The following MRPS9 variants were observed in gnomAD, a reference collection of about 807,000 sequenced individuals.
MRPS9 encodes the protein small ribosomal subunit protein uS9m.
In MRPS9, 45 loss-of-function variants were observed where a neutral mutation model predicts 59.9. The observed-to-expected ratio is 0.75, with a 90% CI of 0.59 to 0.96. MRPS9 has a LOEUF of 0.96. Among genes scored for constraint, MRPS9 ranks in the 40% least tolerant of loss-of-function variants. MRPS9 has a pLI of 0.00. For synonymous variants in MRPS9, 171 were observed against 166.8 expected (o/e 1.03, Z -0.19); for missense variants, 473 against 481.1 (o/e 0.98, Z 0.16).
At chr2:105,052,285 G>A (rs572750894) in intron 2 of MRPS9, among the ~76,000 whole-genome samples, 1 of 152,196 alleles carries the variant, frequency 6.6e-6, no homozygotes, top group Admixed American at 6.5e-5. Flanking sequence ...GATTCAGTAA[G>A]TTTTTTTCCA....
chr2:105,052,784 A>C (rs1411589261), intron 2 of MRPS9, among the ~76,000 whole-genome samples: 1 of 151,980 alleles, frequency 6.6e-6, no homozygotes, highest in Admixed American at 6.6e-5. Flanking sequence ...GGTTTTTTTA[A>C]ATGCTTACTT....
At chr2:105,044,352 A>G (rs1679555960) in intron 1 of MRPS9, among the ~76,000 whole-genome samples, 1 of 152,248 alleles carries the variant, frequency 6.6e-6, no homozygotes, top group Non-Finnish European at 1.5e-5. Context: ...GTACCAATGA[A>G]TAATGGACTC....
rs1558765103 is a variant in MRPS9 at position 105,097,226 on chromosome 2, G to C, written c.1001G>C (p.Gly334Ala). 3 of 1,612,840 alleles carry C rather than the reference G, an allele frequency of 1.9e-6. No homozygotes were observed. Among genetic ancestry groups the C allele is most frequent in the Admixed American group, 1.7e-5 (1 of 59,816 alleles). Reference protein sequence around the residue: ...GKHDVTCTVSGGGRSAQAGAI... With the variant: ...GKHDVTCTVSAGGRSAQAGAI... ...CACGACGTGACCTGCACAGTCTCAG[G>C]GGGCGGGAGGTCAGCGCAGGCTGGA... The change falls in exon 10 of 11, where the codon GGG (glycine) becomes GCG (alanine). Residue 334 changes from glycine to alanine, a missense_variant. Physicochemically the swap from Gly to Ala is moderately conservative, Grantham distance 60. Transcript: ENST00000258455.
intron 5 of MRPS9, among the ~76,000 whole-genome samples, chr2:105,083,180 AAGGTGTGAAGG>A (rs1228737242): frequency 1.3e-5 from 2 of 152,226 alleles, no homozygotes; most frequent in African/African-American, 4.8e-5. Flanking sequence ...CAATTGAGCA[AAGGTGTGAAGG>A]AGGGGGAAGA....
At chr2:105,085,634 G>C (rs1049256195) in intron 5 of MRPS9, among the ~76,000 whole-genome samples, 1 of 152,038 alleles carries the variant, frequency 6.6e-6, no homozygotes, top group Admixed American at 6.6e-5. Context: ...TTTCAAATTA[G>C]GCACCTTCTA....
chr2:105,079,911 TG>T, intron 4 of MRPS9, 71 bp from the exon 5 acceptor site: 1 of 952,186 alleles, frequency 1.1e-6, no homozygotes, highest in South Asian at 1.6e-5. Flanking sequence ...CTCATAACTG[TG>T]GTTAAATGCA....
Position 105,049,446 on chromosome 2 carries a change from C to A in MRPS9, c.315+96C>A. On this transcript the variant is annotated intron_variant, in intron 2 of 10. Coordinates refer to ENST00000258455, the MANE Select transcript of MRPS9 (RefSeq NM_182640.3). ...GAGCCCCTTAGCTCTGTGTTTTAAT[C>A]AAGCTGTCAGAATAAGGAAAAATGC... 4 of 1,070,792 alleles carry A rather than the reference C, an allele frequency of 3.7e-6. 1 individual carries two copies. In the South Asian group the frequency reaches 4.6e-5, roughly 12 times the overall value. The allele number at this position is 1,070,792 out of a possible 1,614,324, so 66.3% of individuals were successfully genotyped here.
intron 6 of MRPS9, among the ~76,000 whole-genome samples, chr2:105,089,607 A>G (rs912784997): frequency 5.9e-5 from 9 of 152,210 alleles, no homozygotes; most frequent in African/African-American, 1.9e-4. Context: ...CGTTGTATCT[A>G]TAACATCTTC....
chr2:105,092,250 G>A, intron 7 of MRPS9, 151 bp from the exon 8 acceptor site: 1 of 560,320 alleles, frequency 1.8e-6, no homozygotes, highest in Non-Finnish European at 2.9e-6. Flanking sequence ...TCTGCATGCT[G>A]TTTTAAAAGC....
chr2:105,094,329 A>G (rs1252464981), intron 9 of MRPS9, among the ~76,000 whole-genome samples: 1 of 152,160 alleles, frequency 6.6e-6, no homozygotes, highest in African/African-American at 2.4e-5. Flanking sequence ...AGCTCTTCTA[A>G]TCTAAATATA....
At chr2:105,066,105 A>G (rs1428400788) in intron 2 of MRPS9, among the ~76,000 whole-genome samples, 1 of 152,110 alleles carries the variant, frequency 6.6e-6, no homozygotes, top group East Asian at 1.9e-4. Context: ...ATGTTTTGTT[A>G]TTTGGTTTTA....
chr2:105,097,403 A>T, intron 10 of MRPS9, 79 bp downstream of exon 10: 1 of 1,305,358 alleles, frequency 7.7e-7, no homozygotes, highest in East Asian at 2.8e-5. Context: ...TAGTGCCTGA[A>T]GTTCGTAAGA....
intron 9 of MRPS9, among the ~76,000 whole-genome samples, chr2:105,094,822 G>A (rs1680625918): frequency 6.6e-6 from 1 of 152,212 alleles, no homozygotes; most frequent in African/African-American, 2.4e-5. Context: ...CCAATAACCT[G>A]TCTGTTGATT....
intron 1 of MRPS9, among the ~76,000 whole-genome samples, chr2:105,043,867 T>C (rs1178691066): frequency 6.6e-6 from 1 of 151,648 alleles, no homozygotes; most frequent in Non-Finnish European, 1.5e-5. Flanking sequence ...ACTCCTGAGC[T>C]TGTGATCGGC....
chr2:105,042,822 T>C (rs1468800883), intron 1 of MRPS9, among the ~76,000 whole-genome samples: 1 of 152,228 alleles, frequency 6.6e-6, no homozygotes, highest in East Asian at 1.9e-4. Context: ...TAAATGAACT[T>C]GTAAAGTAGT....
At chr2:105,098,502 G>A (rs1680719077) in intron 10 of MRPS9, 1 of 152,162 alleles carries the variant, frequency 6.6e-6, no homozygotes, top group South Asian at 2.1e-4. Flanking sequence ...CATCATATGG[G>A]ATTCATATCT....
At chr2:105,052,919 GGTTTGTCTGTTT>G (rs1679738339) in intron 2 of MRPS9, among the ~76,000 whole-genome samples, 1 of 151,970 alleles carries the variant, frequency 6.6e-6, no homozygotes, top group Non-Finnish European at 1.5e-5. Flanking sequence ...CTACCTTTTT[GGTTTGTCTGTTT>G]GTTTGACTGA....
chr2:105,093,202 AAAG>A (rs1680594686), intron 8 of MRPS9, among the ~76,000 whole-genome samples: 1 of 152,168 alleles, frequency 6.6e-6, no homozygotes, highest in African/African-American at 2.4e-5. Context: ...ACTGTTTATA[AAAG>A]AAGAATGCTA....
At chr2:105,070,411 CAG>C (rs1361162907) in intron 2 of MRPS9, among the ~76,000 whole-genome samples, 3 of 152,166 alleles carry the variant, frequency 2.0e-5, no homozygotes, top group African/African-American at 7.2e-5. Flanking sequence ...CTTTTGGTGG[CAG>C]AGTCTGATCC....
Sources: gnomAD v4.1 joint callset for allele counts (sites outside exome capture counted in the v4.1 genomes callset) on GRCh38, gnomAD v4.1.1 for gene constraint, MANE v1.5 for transcripts, NCBI Gene and HGNC (gene_info 2026-07-23, HGNC 2026-07-21) for gene names.